The following GCN1 variants were observed in gnomAD, a reference collection of about 807,000 sequenced individuals.
The protein encoded by GCN1 is stalled ribosome sensor GCN1.
GCN1 carries 90 observed loss-of-function variants against 288.4 expected under a neutral mutation model. That is an observed-to-expected ratio of 0.31 (90% CI 0.26 to 0.37). The LOEUF (loss-of-function observed/expected upper bound fraction) is 0.37, where lower values mean the gene tolerates loss of function less well. Ranked by LOEUF, GCN1 falls within the 10% of genes least tolerant of loss-of-function variation. GCN1 has a pLI of 1.00. For missense variants in GCN1, 2,586 were observed against 3,419.9 expected (o/e 0.76, Z 6.08); for synonymous variants, 1,386 against 1,420.2 (o/e 0.98, Z 0.54).
rs572545084 is a variant in GCN1, at chr12:120,164,631, G to A, written c.1688+15C>T. 1.2e-6 allele frequency: 2 copies of A among 1,611,400 alleles called. No individual in the cohort carries two copies. Among genetic ancestry groups the A allele is most frequent in the Admixed American group, 3.3e-5 (2 of 59,990 alleles). On this transcript the variant is annotated intron_variant, in intron 17 of 57. Coordinates refer to ENST00000300648, the MANE Select transcript of GCN1 (RefSeq NM_006836.2). ...TCATTTGGCCCAAAAGAAAAGGTAA[G>A]CCAGCCTCACGTACTGAACTTTGTT...
intron 36 of GCN1, among the ~76,000 whole-genome samples, chr12:120,149,377 T>C (rs1325522593): frequency 6.6e-6 from 1 of 151,988 alleles, no homozygotes; most frequent in Non-Finnish European, 1.5e-5. Context: ...ATACAAAAAT[T>C]AGCCAGGTGT....
chr12:120,144,932 C>T lies in GCN1; in HGVS notation c.5146G>A (p.Ala1716Thr). The part of the protein sequence containing the change: ...YEQSSVDRSG[A>T]AQGLAEVMAG... Reference sequence around the variant, plus strand: ...CCTGCTCTGGCCTTACCCTGTGCAGCGCCTGAGCGATCCACAGAGCTCTGC... The same window carrying T: ...CCTGCTCTGGCCTTACCCTGTGCAGTGCCTGAGCGATCCACAGAGCTCTGC... Residue 1716 changes from alanine to threonine, a missense_variant, in exon 40 of 58, where the codon GCT becomes ACT. This residue lies in a region of GCN1 where 371 missense variants were observed against 572.6 expected (regional missense o/e 0.65). Transcript: ENST00000300648. The surrounding 1 kb of genome is among the most constrained non-coding windows in gnomAD (Gnocchi z 4.7). 6.2e-7 allele frequency: 1 copy of T among 1,614,200 alleles called. No individual in the cohort carries two copies. Among genetic ancestry groups the T allele is most frequent in the Non-Finnish European group, 8.5e-7 (1 of 1,180,038 alleles).
In GCN1 at chr12:120,160,153, G is replaced by C; in HGVS notation, c.2539C>G (p.Arg847Gly). Residue 847 changes from arginine (R) to glycine (G), a missense_variant, in exon 23 of 58, where the codon CGG becomes GGG. Transcript: ENST00000300648. ...QLDREAQVRR[R>G]LQELDGELEA... ...AGGTGGCCACTCACCTCCTGCAGCC[G>C]CCTCCGGACCTGCGCCTCCCTGTCT... is the stretch of plus-strand genomic sequence containing the variant. The C allele has an allele frequency of 3.1e-6, 5 of 1,611,080 alleles. No individual in the cohort carries two copies. Among genetic ancestry groups the C allele is most frequent in the Non-Finnish European group, 4.2e-6 (5 of 1,178,586 alleles).
At chr12:120,136,801 A>G (rs1463586647) in intron 50 of GCN1, 69 bp from the exon 51 acceptor site, 1 of 1,155,868 alleles carries the variant, frequency 8.7e-7, no homozygotes, top group East Asian at 2.5e-5. Flanking sequence ...CCATGCAAGC[A>G]AAGTGGTCCT....
intron 16 of GCN1, 21 bp downstream of exon 16, chr12:120,168,187 A>G (rs753262860): frequency 2.2e-6 from 3 of 1,370,666 alleles, no homozygotes; most frequent in Non-Finnish European, 2.1e-6. Flanking sequence ...CCCGAGTTCA[A>G]CTAAGCATGG....
chr12:120,166,673 C>T (rs1380650101), intron 16 of GCN1, among the ~76,000 whole-genome samples: 9 of 147,632 alleles, frequency 6.1e-5, no homozygotes, highest in Non-Finnish European at 8.9e-5. Flanking sequence ...CACTGCACTC[C>T]AGCCTGGGCG....
intron 11 of GCN1, 79 bp downstream of exon 11, chr12:120,175,667 A>G (rs1878458653): frequency 7.0e-7 from 1 of 1,435,302 alleles, no homozygotes; most frequent in Non-Finnish European, 9.5e-7. Context: ...TGGAGCATCA[A>G]GTCCCCTTCA....
In GCN1 at chr12:120,142,178, T is replaced by A. The variant is rs972439516; in HGVS notation, c.5829+329A>T. On this transcript the variant is annotated intron_variant, in intron 44 of 57. Coordinates refer to ENST00000300648, the MANE Select transcript of GCN1 (RefSeq NM_006836.2). This position sits in a 1 kb window ranked among gnomAD's most constrained non-coding sequence, Gnocchi z 4.9. ...CGTCTCTACTAAAAATATAAAAAAA[T>A]GGCCAGGTGTGGTGGTGGATGCCTG... Among the ~76,000 whole-genome samples, 4 of 151,720 alleles carry A rather than the reference T, an allele frequency of 2.6e-5. No individual in the cohort carries two copies. The highest frequency in any genetic ancestry group is 6.6e-5 in the Admixed American group (1 of 15,220).
intron 16 of GCN1, among the ~76,000 whole-genome samples, chr12:120,167,352 C>CAAAAAAAA: frequency 2.7e-5 from 2 of 73,014 alleles, no homozygotes; most frequent in Non-Finnish European, 6.0e-5. Flanking sequence ...AACTCCATCT[C>CAAAAAAAA]AAAAAAAAAA....
rs115220467 is a variant in GCN1, at chr12:120,134,921, T to A, written c.7009-195A>T. On this transcript the variant is annotated intron_variant, in intron 51 of 57. Coordinates refer to ENST00000300648, the MANE Select transcript of GCN1 (RefSeq NM_006836.2). The surrounding 1 kb of genome is among the most constrained non-coding windows in gnomAD (Gnocchi z 5.0). Reference sequence around the variant, plus strand: ...CTTGGCCTCCTGGTCATATCCAGCATGCTTTGATACACTGGAGGAGCAGGA... The same window carrying A: ...CTTGGCCTCCTGGTCATATCCAGCAAGCTTTGATACACTGGAGGAGCAGGA... Among the ~76,000 whole-genome samples the A allele has an allele frequency of 8.5e-3, 1,288 of 152,328 alleles. 13 individuals carry two copies. The highest frequency in any genetic ancestry group is 0.029 in the African/African-American group (1,210 of 41,572).
At chr12:120,187,937 G>C (rs1318728065) in intron 2 of GCN1, among the ~76,000 whole-genome samples, 1 of 151,708 alleles carries the variant, frequency 6.6e-6, no homozygotes, top group Non-Finnish European at 1.5e-5. Context: ...AGGCAAAATG[G>C]TCTTACTCTA....
intron 15 of GCN1, 46 bp from the exon 16 acceptor site, chr12:120,168,346 C>G (rs1420189924): frequency 1.3e-5 from 15 of 1,130,364 alleles, no homozygotes; most frequent in Non-Finnish European, 2.0e-5. Flanking sequence ...CACCACATCC[C>G]CCAGAGCTGA....
intron 45 of GCN1, among the ~76,000 whole-genome samples, chr12:120,140,057 G>C (rs1877140024): frequency 6.6e-6 from 1 of 152,174 alleles, no homozygotes; most frequent in Admixed American, 6.5e-5. Context: ...AACTCTTTCT[G>C]ATGACAGAAT....
chr12:120,153,630 G>T lies in GCN1; in HGVS notation c.3867+114C>A. The T allele has an allele frequency of 2.9e-6, 3 of 1,048,474 alleles. No homozygotes were observed. The highest frequency in any genetic ancestry group is 4.3e-6 in the Non-Finnish European group (3 of 702,084). 64.9% of individuals were successfully genotyped at this position (1,048,474 alleles called of 1,614,324 possible). A position where few individuals can be genotyped will look rare whatever the true frequency, so the allele number is the denominator to read the frequency against. ...CTCAAAGTGCTCTGCCAGGACTCTT[G>T]GCACTCAGCATTTCTGGCCCCTGCT... On this transcript the variant is annotated intron_variant, in intron 32 of 57. Coordinates refer to ENST00000300648, the MANE Select transcript of GCN1 (RefSeq NM_006836.2). The surrounding 1 kb of genome is among the most constrained non-coding windows in gnomAD (Gnocchi z 4.4).
intron 44 of GCN1, among the ~76,000 whole-genome samples, chr12:120,141,508 C>T (rs1426327628): frequency 6.6e-6 from 1 of 152,174 alleles, no homozygotes; most frequent in Non-Finnish European, 1.5e-5. Flanking sequence ...GAAATGATCA[C>T]CAGCCCATCT....
chr12:120,141,492 T>C (rs991250554), intron 44 of GCN1, among the ~76,000 whole-genome samples: 1 of 152,208 alleles, frequency 6.6e-6, no homozygotes, highest in Admixed American at 6.5e-5. Context: ...CCAAAGGAGA[T>C]GGGCAGAAAT....
At chr12:120,154,306 A>G (rs1877668769) in intron 31 of GCN1, among the ~76,000 whole-genome samples, 1 of 152,238 alleles carries the variant, frequency 6.6e-6, no homozygotes, top group African/African-American at 2.4e-5. Context: ...CCAGTCATGG[A>G]GCAAAGAATC....
At position 120,134,874 on chromosome 12, in the gene GCN1, G is replaced by C; in HGVS notation, c.7009-148C>G. On this transcript the variant is annotated intron_variant, in intron 51 of 57. Transcript: ENST00000300648. The surrounding 1 kb of genome is among the most constrained non-coding windows in gnomAD (Gnocchi z 5.0). ...CTGGGGACAGATAGCCCGTCAGAGA[G>C]GCCAAACACAGACAGGTTTCGCTTG... 3.0e-6 allele frequency: 2 copies of C among 671,530 alleles called. No individual in the cohort carries two copies. Among genetic ancestry groups the C allele is most frequent in the Admixed American group, 5.4e-5 (2 of 37,004 alleles). 41.6% of individuals were successfully genotyped at this position (671,530 alleles called of 1,614,324 possible).
rs764826153 is a variant in GCN1 at position 120,148,124 on chromosome 12, T to C, written c.4726+43A>G. The stretch of plus-strand genomic sequence containing the variant: ...CCTGCAGTGTCCAAAGGCTGCGGCG[T>C]TGGTGGGAGGTCAGGGCAAGCACCC... On this transcript the variant is annotated intron_variant, in intron 37 of 57. Coordinates refer to ENST00000300648, the MANE Select transcript of GCN1 (RefSeq NM_006836.2). 16 of 1,473,106 alleles carry C rather than the reference T, an allele frequency of 1.1e-5. No homozygotes were observed. In the Admixed American group the frequency reaches 1.8e-4, roughly 17 times the overall value. 91.3% of individuals were successfully genotyped at this position (1,473,106 alleles called of 1,614,324 possible). A position where few individuals can be genotyped will look rare whatever the true frequency, so the allele number is the denominator to read the frequency against.
Sources: allele counts gnomAD v4.1 joint callset (sites outside exome capture counted in the v4.1 genomes callset), GRCh38; gene constraint gnomAD v4.1.1; regional missense constraint gnomAD v4.1.1; non-coding constraint Gnocchi (gnomAD v3.1); transcripts MANE v1.5; gene names NCBI Gene and HGNC (gene_info 2026-07-23, HGNC 2026-07-21).